The following PLEKHG7 variants were observed in gnomAD, a reference collection of about 807,000 sequenced individuals.
PLEKHG7 encodes the protein pleckstrin homology and RhoGEF domain containing G7.
Under a neutral mutation model 85.2 loss-of-function variants are expected in PLEKHG7, and 77 were observed. The observed-to-expected ratio is 0.90, with a 90% CI of 0.75 to 1.09. The LOEUF (loss-of-function observed/expected upper bound fraction) is 1.09. Among genes scored for constraint, PLEKHG7 ranks in the 50% least tolerant of loss-of-function variants. The pLI is 0.00. For synonymous variants in PLEKHG7, 301 were observed against 302.4 expected (o/e 1.00, Z 0.05); for missense variants, 777 against 804.3 (o/e 0.97, Z 0.41).
intron 13 of PLEKHG7, among the ~76,000 whole-genome samples, chr12:92,757,600 G>A (rs1872870531): frequency 2.0e-5 from 3 of 152,176 alleles, no homozygotes; most frequent in Non-Finnish European, 1.5e-5. Context: ...TTCATACATT[G>A]TCTCTTTCCA....
At position 92,744,425 on chromosome 12, in the gene PLEKHG7, T is replaced by C. The variant is rs1423011064; in HGVS notation, c.1138-1053T>C. ...GACGCTTAATTGAGATGGTGGCATG[T>C]AGTTCAGTGTGCTCAGTTTACCCAT... On this transcript the variant is annotated intron_variant, in intron 9 of 16. Coordinates refer to ENST00000344636, the MANE Select transcript of PLEKHG7 (RefSeq NM_001377329.1). Among the ~76,000 whole-genome samples the C allele has an allele frequency of 2.0e-5, 3 of 152,198 alleles. 1 individual carries two copies. In the East Asian group the frequency reaches 5.8e-4, roughly 29 times the overall value.
intron 5 of PLEKHG7, among the ~76,000 whole-genome samples, chr12:92,736,023 TG>T (rs1007822106): frequency 2.9e-4 from 44 of 152,288 alleles, no homozygotes; most frequent in Admixed American, 8.5e-4. Context: ...AATTATTGTT[TG>T]GGGCAACTCG....
At chr12:92,738,984 A>G (rs955053477) in intron 7 of PLEKHG7, among the ~76,000 whole-genome samples, 1 of 152,248 alleles carries the variant, frequency 6.6e-6, no homozygotes, top group Non-Finnish European at 1.5e-5. Flanking sequence ...TTATTAGTCC[A>G]TGTGACTGCA....
chr12:92,719,361 A>G (rs1871574214), intron 3 of PLEKHG7, among the ~76,000 whole-genome samples: 1 of 152,232 alleles, frequency 6.6e-6, no homozygotes, highest in South Asian at 2.1e-4. Context: ...TGCATAGGGT[A>G]AAACATTATG....
intron 11 of PLEKHG7, among the ~76,000 whole-genome samples, chr12:92,754,740 C>G (rs1872779540): frequency 6.6e-6 from 1 of 152,166 alleles, no homozygotes; most frequent in South Asian, 2.1e-4. Flanking sequence ...AGGATGGGAA[C>G]TGAGCAGGCC....
At chr12:92,760,541 G>A (rs1872957295) in intron 13 of PLEKHG7, among the ~76,000 whole-genome samples, 1 of 151,802 alleles carries the variant, frequency 6.6e-6, no homozygotes, top group African/African-American at 2.4e-5. Context: ...AATCTAAATA[G>A]AACAAGCTGA....
At position 92,736,592 on chromosome 12, in the gene PLEKHG7, G is replaced by C. The variant is rs1872156961; in HGVS notation, c.795+15G>C. 4.1e-6 allele frequency: 5 copies of C among 1,209,050 alleles called. No individual in the cohort carries two copies. Among genetic ancestry groups the C allele is most frequent in the Non-Finnish European group, 5.2e-6 (5 of 967,002 alleles). The allele number at this position is 1,209,050 out of a possible 1,614,324, so 74.9% of individuals were successfully genotyped here. On this transcript the variant is annotated intron_variant, in intron 6 of 16. Coordinates refer to ENST00000344636, the MANE Select transcript of PLEKHG7 (RefSeq NM_001377329.1). ...ACGGTCTTAAGGTATCTTTCAAACT[G>C]TTAACTATGGGGTTTGACTTTTTCT... is the stretch of plus-strand genomic sequence containing the variant.
intron 15 of PLEKHG7, among the ~76,000 whole-genome samples, chr12:92,765,782 A>G (rs1488692347): frequency 6.6e-6 from 1 of 152,140 alleles, no homozygotes; most frequent in Non-Finnish European, 1.5e-5. Context: ...ACAGAGTGAG[A>G]CCCTGTCTCT....
Position 92,761,626 on chromosome 12 carries a change from GAAAGAAAGAAAGA to G in PLEKHG7, c.1637-123_1637-111del, listed in dbSNP as rs1424172838. 2.1e-4 allele frequency: 14 copies of G among 65,480 alleles called. 1 individual carries two copies. In the South Asian group the frequency reaches 3.4e-3, roughly 16 times the overall value. The allele number at this position is 65,480 out of a possible 1,614,324, so 4.1% of individuals were successfully genotyped here. A position where few individuals can be genotyped will look rare whatever the true frequency, so the allele number is the denominator to read the frequency against. Reference sequence around the variant, plus strand: ...GAAAGAAAAAGAAAGAAAGAAAGAAGAAAGAAAGAAAGAAAGAAAGAAAGAAAGAAAGAAAGAA... The same window carrying G: ...GAAAGAAAAAGAAAGAAAGAAAGAAGAAGAAAGAAAGAAAGAAAGAAAGAA... On this transcript the variant is annotated intron_variant, in intron 13 of 16. Transcript: ENST00000344636.
At chr12:92,720,026 G>A (rs1871592858) in intron 3 of PLEKHG7, among the ~76,000 whole-genome samples, 1 of 152,196 alleles carries the variant, frequency 6.6e-6, no homozygotes. Flanking sequence ...GTCCTAAGTT[G>A]GGTGCCCTTG....
intron 10 of PLEKHG7, among the ~76,000 whole-genome samples, chr12:92,749,281 T>G (rs1455096984): frequency 6.6e-6 from 1 of 151,852 alleles, no homozygotes; most frequent in Non-Finnish European, 1.5e-5. Flanking sequence ...TTTAATTAAT[T>G]AATTTATTTA....
chr12:92,727,859 G>A (rs969837571), intron 3 of PLEKHG7, among the ~76,000 whole-genome samples: 1 of 150,346 alleles, frequency 6.7e-6, no homozygotes, highest in Non-Finnish European at 1.5e-5. Flanking sequence ...CCAAAGTGCT[G>A]GAATTATAGG....
intron 3 of PLEKHG7, 31 bp from the exon 4 acceptor site, chr12:92,728,962 G>A (rs905591426): frequency 2.5e-5 from 31 of 1,225,442 alleles, no homozygotes; most frequent in Non-Finnish European, 2.6e-5. Context: ...TGATATTTCG[G>A]TGTGGTTTTC....
intron 3 of PLEKHG7, among the ~76,000 whole-genome samples, chr12:92,724,760 G>T (rs1452547974): frequency 6.6e-6 from 1 of 152,092 alleles, no homozygotes; most frequent in South Asian, 2.1e-4. Flanking sequence ...GGATTCACAT[G>T]CTTGAGCCTC....
chr12:92,751,420 C>A (rs1274450712), intron 10 of PLEKHG7, among the ~76,000 whole-genome samples: 1 of 152,188 alleles, frequency 6.6e-6, no homozygotes, highest in Non-Finnish European at 1.5e-5. Flanking sequence ...GCCTGTAATG[C>A]AGTGGTGCTA....
chr12:92,749,738 T>C (rs975819831), intron 10 of PLEKHG7: 13 of 152,098 alleles, frequency 8.5e-5, no homozygotes, highest in Non-Finnish European at 1.5e-5. Flanking sequence ...GTAGTTACTC[T>C]TGTTATCAAC....
In PLEKHG7 at chr12:92,769,083, A is replaced by G. The variant is rs1391078293; in HGVS notation, c.1968+3A>G. ...AAGCCCAAACGGAAAACATCAAAGT[A>G]TGTATTTTAATTTTGTAGGTCTTTG... On this transcript the variant is annotated splice_donor_region_variant and intron_variant, in intron 16 of 16. Transcript: ENST00000344636. 2.6e-6 allele frequency: 4 copies of G among 1,549,878 alleles called. No homozygotes were observed. In the South Asian group the frequency reaches 4.5e-5, roughly 18 times the overall value.
chr12:92,770,015 G>C (rs1873356436), intron 16 of PLEKHG7, 73 bp from the exon 17 acceptor site: 1 of 977,846 alleles, frequency 1.0e-6, no homozygotes, highest in Admixed American at 2.4e-5. Context: ...GAAAATATTA[G>C]CCCAAATATG....
chr12:92,748,514 C>T (rs1872600718), intron 10 of PLEKHG7, among the ~76,000 whole-genome samples: 1 of 151,750 alleles, frequency 6.6e-6, no homozygotes, highest in Non-Finnish European at 1.5e-5. Flanking sequence ...TCCCACAGTG[C>T]TGGGATTACA....
Sources: allele counts gnomAD v4.1 joint callset (sites outside exome capture counted in the v4.1 genomes callset), GRCh38; gene constraint gnomAD v4.1.1; transcripts MANE v1.5; gene names NCBI Gene and HGNC (gene_info 2026-07-23, HGNC 2026-07-21).